RHOQ: variants seen among roughly 807,000 people sequenced by gnomAD.
RHOQ encodes rho-related GTP-binding protein RhoQ.
In RHOQ, 7 loss-of-function variants were observed where a neutral mutation model predicts 25.8. The observed-to-expected ratio is 0.27, with a 90% confidence interval of 0.15 to 0.51. The LOEUF is 0.51. Ranked by LOEUF, RHOQ falls within the 20% of genes least tolerant of loss-of-function variation. The pLI is 0.97. For missense variants in RHOQ, 165 were observed against 260.6 expected (o/e 0.63, Z 2.53); for synonymous variants, 97 against 98.6 (o/e 0.98, Z 0.10).
intron 2 of RHOQ, among the ~76,000 whole-genome samples, chr2:46,564,915 G>A (rs1440122779): frequency 1.3e-5 from 2 of 152,216 alleles, no homozygotes; most frequent in Non-Finnish European, 2.9e-5. Context: ...CATACACCCT[G>A]GTGGTGATAA....
Position 46,576,953 on chromosome 2 carries a change from T to G in RHOQ, c.462+297T>G, listed in dbSNP as rs557938105. 3.4e-5 allele frequency: 8 copies of G among 234,484 alleles called. No homozygotes were observed. The highest frequency in any genetic ancestry group is 1.6e-4 in the African/African-American group (7 of 44,490). The allele number at this position is 234,484 out of a possible 1,614,324, so 14.5% of individuals were successfully genotyped here. A position where few individuals can be genotyped will look rare whatever the true frequency, so the allele number is the denominator to read the frequency against. On this transcript the variant is annotated intron_variant, in intron 4 of 4. Transcript: ENST00000238738. The surrounding 1 kb of genome is among the most constrained non-coding windows in gnomAD (Gnocchi z 5.1). ...CGAGACTCTTACACCTTTGCTACAT[T>G]GCCAGTGATATTTTCCTAAAAAGTC... is the stretch of plus-strand genomic sequence containing the variant.
intron 4 of RHOQ, chr2:46,577,249 A>G (rs1294305541): frequency 6.6e-6 from 1 of 152,178 alleles, no homozygotes; most frequent in Non-Finnish European, 1.5e-5. Context: ...GATGCATGCA[A>G]TACCTTGTAG....
At position 46,582,881 on chromosome 2, in the gene RHOQ, C is replaced by G. The variant is rs1208220045; in HGVS notation, c.*1798C>G. The G allele has an allele frequency of 6.6e-6, 1 of 152,500 alleles. No individual in the cohort carries two copies. The highest frequency in any genetic ancestry group is 1.5e-5 in the Non-Finnish European group (1 of 68,030). The allele number at this position is 152,500 out of a possible 1,614,324, so 9.4% of individuals were successfully genotyped here. On this transcript the variant is annotated 3_prime_UTR_variant, in exon 5 of 5. Transcript: ENST00000238738. Reference sequence around the variant, plus strand: ...TACTGGATGACTGGCCAGGAACTTTCTCTCTGAATCGGACATTTGGATGTC... The same window carrying G: ...TACTGGATGACTGGCCAGGAACTTTGTCTCTGAATCGGACATTTGGATGTC...
chr2:46,546,451 C>CATAT lies in RHOQ; in HGVS notation c.201+2658_201+2661dup, dbSNP rs58602087. Among the ~76,000 whole-genome samples the CATAT allele has an allele frequency of 3.8e-4, 18 of 47,154 alleles. 1 individual carries two copies. Among genetic ancestry groups the CATAT allele is most frequent in the East Asian group, 9.4e-4 (2 of 2,134 alleles). 30.9% of individuals were successfully genotyped at this position (47,154 alleles called of 152,430 possible). A position where few individuals can be genotyped will look rare whatever the true frequency, so the allele number is the denominator to read the frequency against. ...ATATATGTATCCGTATACACATATA[C>CATAT]ATATATATATATATATATATATGTG... On this transcript the variant is annotated intron_variant, in intron 2 of 4. Transcript: ENST00000238738.
At chr2:46,575,085 CT>C (rs1669066674) in intron 2 of RHOQ, among the ~76,000 whole-genome samples, 1 of 152,130 alleles carries the variant, frequency 6.6e-6, no homozygotes, top group Admixed American at 6.5e-5. Context: ...TATTCACTGC[CT>C]TTTGTGATAG....
At chr2:46,546,962 A>G (rs907233423) in intron 2 of RHOQ, among the ~76,000 whole-genome samples, 10 of 152,136 alleles carry the variant, frequency 6.6e-5, no homozygotes, top group African/African-American at 2.4e-4. Flanking sequence ...TGTGGGATCC[A>G]TGGTTCCAAG....
chr2:46,553,127 T>C (rs181783724), intron 2 of RHOQ, among the ~76,000 whole-genome samples: 1 of 152,226 alleles, frequency 6.6e-6, no homozygotes, highest in East Asian at 1.9e-4. Context: ...GAAATCTCTT[T>C]TATAAAAGCC....
chr2:46,575,153 A>G (rs1669069423), intron 2 of RHOQ, among the ~76,000 whole-genome samples: 2 of 152,218 alleles, frequency 1.3e-5, no homozygotes. Flanking sequence ...GCAACAGTGT[A>G]AAATGATATG....
intron 2 of RHOQ, among the ~76,000 whole-genome samples, chr2:46,559,164 T>C (rs1668492942): frequency 6.6e-6 from 1 of 152,064 alleles, no homozygotes; most frequent in South Asian, 2.1e-4. Context: ...GTTGTTGTTG[T>C]TGTTGTTGTT....
chr2:46,547,200 T>TG (rs917936101), intron 2 of RHOQ, among the ~76,000 whole-genome samples: 7 of 152,234 alleles, frequency 4.6e-5, no homozygotes, highest in African/African-American at 1.2e-4. Context: ...TGTTCACTCA[T>TG]GCATGTGGGC....
intron 2 of RHOQ, among the ~76,000 whole-genome samples, 198 bp downstream of exon 2, chr2:46,544,010 C>G (rs555670067): frequency 1.2e-4 from 19 of 152,174 alleles, no homozygotes; most frequent in South Asian, 2.1e-4. Flanking sequence ...ATAAGCCCCC[C>G]CCATGTGAAC....
At chr2:46,575,150 T>C (rs1041440634) in intron 2 of RHOQ, among the ~76,000 whole-genome samples, 1 of 152,150 alleles carries the variant, frequency 6.6e-6, no homozygotes, top group African/African-American at 2.4e-5. Context: ...GAAGCAACAG[T>C]GTAAAATGAT....
chr2:46,544,033 A>G (rs1346602499), intron 2 of RHOQ, among the ~76,000 whole-genome samples: 1 of 152,128 alleles, frequency 6.6e-6, no homozygotes, highest in East Asian at 1.9e-4. Context: ...CTGGGCTGTG[A>G]AAGTTTTTGC....
chr2:46,575,476 G>C (rs531904342), intron 2 of RHOQ, among the ~76,000 whole-genome samples: 1 of 150,606 alleles, frequency 6.6e-6, no homozygotes, highest in East Asian at 2.0e-4. Context: ...GGAAAGCAAA[G>C]CTTGAAGGTC....
intron 2 of RHOQ, among the ~76,000 whole-genome samples, chr2:46,574,547 G>A (rs896299326): frequency 6.6e-6 from 1 of 152,058 alleles, no homozygotes; most frequent in African/African-American, 2.4e-5. Flanking sequence ...CTTAACACCA[G>A]GGCACTGCTT....
At chr2:46,563,123 C>G (rs1668623052) in intron 2 of RHOQ, among the ~76,000 whole-genome samples, 1 of 152,034 alleles carries the variant, frequency 6.6e-6, no homozygotes, top group Admixed American at 6.6e-5. Flanking sequence ...GCTAGGAAGC[C>G]TGACTCAGAG....
chr2:46,543,893 GT>G, intron 2 of RHOQ, 81 bp downstream of exon 2: 1 of 1,232,578 alleles, frequency 8.1e-7, no homozygotes, highest in Non-Finnish European at 1.2e-6. Flanking sequence ...GGAAACCGAG[GT>G]GTCTAGGTGG....
intron 2 of RHOQ, 41 bp downstream of exon 2, chr2:46,543,853 C>G (rs769546126): frequency 7.7e-5 from 122 of 1,584,812 alleles, no homozygotes; most frequent in Non-Finnish European, 1.0e-4. Flanking sequence ...CCTCCTGTTC[C>G]CCAGTTCTTT....
intron 2 of RHOQ, among the ~76,000 whole-genome samples, chr2:46,563,913 G>A (rs1668648115): frequency 6.6e-6 from 1 of 151,872 alleles, no homozygotes; most frequent in African/African-American, 2.4e-5. Flanking sequence ...GCTTCCCAAA[G>A]TGCTAGGATT....
Sources: allele counts gnomAD v4.1 joint callset (sites outside exome capture counted in the v4.1 genomes callset), GRCh38; gene constraint gnomAD v4.1.1; non-coding constraint Gnocchi (gnomAD v3.1); transcripts MANE v1.5; gene names NCBI Gene and HGNC (gene_info 2026-07-23, HGNC 2026-07-21).